The following NTM variants were observed in gnomAD, a reference collection of about 807,000 sequenced individuals.
The protein encoded by NTM is IgLON family member 2.
NTM carries 13 observed loss-of-function variants against 42.1 expected under a neutral mutation model. That is an observed-to-expected ratio of 0.31 (90% confidence interval 0.20 to 0.49). The LOEUF is 0.49. NTM is among the 20% of genes least tolerant of loss of function. NTM has a pLI of 0.99. For missense variants in NTM, 373 were observed against 452.8 expected, an observed-to-expected ratio of 0.82 and a Z score of 1.60; for synonymous variants, 187 against 179.2, an observed-to-expected ratio of 1.04 and a Z score of -0.35.
chr11:131,813,904 G>A (rs2092840407), intron 1 of NTM, among the ~76,000 whole-genome samples: 3 of 152,010 alleles, frequency 2.0e-5, no homozygotes, highest in Non-Finnish European at 2.9e-5. Flanking sequence ...CTCCTCATTC[G>A]TAACAGTGCC....
intron 2 of NTM, among the ~76,000 whole-genome samples, chr11:132,112,718 T>TACACACACAC (rs61630313): frequency 1.4e-3 from 205 of 142,156 alleles, no homozygotes; most frequent in African/African-American, 4.6e-3. Flanking sequence ...ACTGCACACT[T>TACACACACAC]ACACACACAC....
At chr11:131,470,376 TAA>T (rs1325006038) in intron 1 of NTM, among the ~76,000 whole-genome samples, 1 of 152,202 alleles carries the variant, frequency 6.6e-6, no homozygotes, top group South Asian at 2.1e-4. Flanking sequence ...CACTCCAAAA[TAA>T]AAGACTGGGC....
At chr11:131,649,482 G>C (rs768222604) in intron 1 of NTM, among the ~76,000 whole-genome samples, 1 of 152,164 alleles carries the variant, frequency 6.6e-6, no homozygotes, top group East Asian at 1.9e-4. Flanking sequence ...TGCATGGGCT[G>C]ATAATTGCCT....
intron 2 of NTM, among the ~76,000 whole-genome samples, chr11:131,949,602 G>T (rs768426913): frequency 3.5e-4 from 54 of 152,312 alleles, no homozygotes; most frequent in Middle Eastern, 3.4e-3. Flanking sequence ...GGGGTCTTGT[G>T]TTGGGTCCAC....
chr11:132,121,494 A>C (rs1216673644), intron 2 of NTM, among the ~76,000 whole-genome samples: 6 of 152,170 alleles, frequency 3.9e-5, no homozygotes, highest in Admixed American at 2.6e-4. Flanking sequence ...TATTTAAGTA[A>C]AAAGACTATG....
chr11:132,167,112 A>G (rs1235721951), intron 3 of NTM, among the ~76,000 whole-genome samples: 3 of 152,230 alleles, frequency 2.0e-5, no homozygotes, highest in Admixed American at 6.5e-5. Flanking sequence ...CATTCATTCA[A>G]TAAAAATGAG....
At chr11:132,211,077 G>A (rs577190613) in intron 3 of NTM, among the ~76,000 whole-genome samples, 20 of 152,156 alleles carry the variant, frequency 1.3e-4, no homozygotes, top group Non-Finnish European at 2.6e-4. Flanking sequence ...GTCCAAAAGG[G>A]CAGAGAAGTA....
intron 4 of NTM, among the ~76,000 whole-genome samples, chr11:132,235,046 G>T (rs759109939): frequency 6.6e-6 from 1 of 152,298 alleles, no homozygotes; most frequent in East Asian, 1.9e-4. Flanking sequence ...GATGCAGAGC[G>T]CTCCATATGA....
intron 1 of NTM, among the ~76,000 whole-genome samples, chr11:131,700,899 G>T (rs898896316): frequency 6.6e-6 from 1 of 152,160 alleles, no homozygotes; most frequent in Non-Finnish European, 1.5e-5. Context: ...AGTGGCTGCA[G>T]GTTTTGTCTC....
chr11:132,017,024 A>G (rs1259474620), intron 2 of NTM, among the ~76,000 whole-genome samples: 1 of 151,876 alleles, frequency 6.6e-6, no homozygotes, highest in Non-Finnish European at 1.5e-5. Flanking sequence ...ATTTTTATAT[A>G]TTCTGGACAC....
chr11:131,597,756 G>C (rs139510837), intron 1 of NTM, among the ~76,000 whole-genome samples: 5 of 152,142 alleles, frequency 3.3e-5, no homozygotes, highest in African/African-American at 4.8e-5. Context: ...TCCTACCGTC[G>C]GTCTGTGGAT....
intron 1 of NTM, among the ~76,000 whole-genome samples, chr11:131,780,258 G>A (rs1475690892): frequency 6.6e-6 from 1 of 152,140 alleles, no homozygotes; most frequent in East Asian, 1.9e-4. Context: ...GAGCCACGCA[G>A]GGACAGCAGG....
In NTM at chr11:131,484,431, C is replaced by T. The variant is rs1953937051; in HGVS notation, c.82+113543C>T. Among the ~76,000 whole-genome samples, 3 of 152,126 alleles carry T rather than the reference C, an allele frequency of 2.0e-5. No homozygotes were observed. The South Asian group carries it at 6.2e-4, about 32-fold the overall frequency. On this transcript the variant is annotated intron_variant, in intron 1 of 8. Coordinates refer to ENST00000683400, the MANE Select transcript of NTM (RefSeq NM_001352005.2). ...CAAAATGGTCCTTCCTTTGAATTTG[C>T]CAGTTAAAGGGTGGAGGCTCCCAAC...
At chr11:132,293,522 A>G (rs1042913016) in intron 4 of NTM, among the ~76,000 whole-genome samples, 6 of 152,252 alleles carry the variant, frequency 3.9e-5, no homozygotes, top group African/African-American at 1.4e-4. Context: ...TGTGGAGTGC[A>G]GTCCGATGAA....
intron 1 of NTM, among the ~76,000 whole-genome samples, chr11:131,575,730 T>G (rs2057867830): frequency 6.6e-6 from 1 of 152,176 alleles, no homozygotes; most frequent in Non-Finnish European, 1.5e-5. Context: ...AAATAATGGC[T>G]TATCCTTCCC....
At chr11:131,434,363 A>G (rs1395934779) in intron 1 of NTM, among the ~76,000 whole-genome samples, 1 of 152,192 alleles carries the variant, frequency 6.6e-6, no homozygotes, top group Non-Finnish European at 1.5e-5. Flanking sequence ...GAATTGCCAC[A>G]CTGTCTTCCA....
chr11:132,018,945 G>A lies in NTM; in HGVS notation c.167+107297G>A, dbSNP rs1593777698. ...CTTCTGGAGTCATTTTTGGAAATGT[G>A]TGTCTTTCTAGGAATTTTCACATTT... is the stretch of plus-strand genomic sequence containing the variant. On this transcript the variant is annotated intron_variant, in intron 2 of 8. Transcript: ENST00000683400. 2.0e-5 allele frequency among the ~76,000 whole-genome samples: 3 copies of A among 151,920 alleles called. No individual in the cohort carries two copies. The South Asian group carries it at 6.2e-4, about 31-fold the overall frequency.
chr11:131,734,487 T>G (rs1029060992), intron 1 of NTM, among the ~76,000 whole-genome samples: 2 of 152,102 alleles, frequency 1.3e-5, no homozygotes, highest in Non-Finnish European at 2.9e-5. Context: ...TGCTTAGCAG[T>G]GTGCTAGGTA....
At chr11:131,907,166 T>A (rs967554926) in intron 1 of NTM, among the ~76,000 whole-genome samples, 1 of 152,258 alleles carries the variant, frequency 6.6e-6, no homozygotes, top group Non-Finnish European at 1.5e-5. Context: ...GAAGCAGAGC[T>A]GGCATTTGTT....
Sources: allele counts gnomAD v4.1 joint callset (sites outside exome capture counted in the v4.1 genomes callset), GRCh38; gene constraint gnomAD v4.1.1; transcripts MANE v1.5; gene names NCBI Gene and HGNC (gene_info 2026-07-23, HGNC 2026-07-21).